KDM4C: variants seen among roughly 807,000 people sequenced by gnomAD.
The protein encoded by KDM4C is lysine demethylase 4C.
Under a neutral mutation model 129.3 loss-of-function variants are expected in KDM4C, and 81 were observed. The ratio of observed to expected loss-of-function variants is 0.63; its 90% CI spans 0.52 to 0.75. KDM4C has a LOEUF of 0.75. Ranked by LOEUF, KDM4C falls within the 30% of genes least tolerant of loss-of-function variation. KDM4C has a pLI of 0.00. For synonymous variants in KDM4C, 573 were observed against 456.1 expected (o/e 1.26, Z -3.26); for missense variants, 1,457 against 1,304.0 (o/e 1.12, Z -1.81).
intron 5 of KDM4C, among the ~76,000 whole-genome samples, chr9:6,856,532 C>CTGTGTGTG (rs1251541770): frequency 1.6e-5 from 2 of 127,600 alleles, no homozygotes; most frequent in Admixed American, 7.9e-5. Flanking sequence ...ATATCTCTCT[C>CTGTGTGTG]TGTGTGCGTG....
At chr9:6,764,925 T>C (rs1820315129) in intron 1 of KDM4C, among the ~76,000 whole-genome samples, 2 of 152,350 alleles carry the variant, frequency 1.3e-5, no homozygotes. Context: ...ATTTCATTGC[T>C]CACTCATTTC....
intron 1 of KDM4C, among the ~76,000 whole-genome samples, chr9:6,777,080 A>C (rs749331927): frequency 2.6e-5 from 4 of 152,168 alleles, no homozygotes; most frequent in African/African-American, 9.7e-5. Context: ...CCTACCCCCA[A>C]GTAAGGAAAC....
chr9:7,126,604 A>T (rs575519440), intron 18 of KDM4C, among the ~76,000 whole-genome samples: 50 of 152,222 alleles, frequency 3.3e-4, no homozygotes, highest in Non-Finnish European at 6.3e-4. Context: ...GCAAATTGAT[A>T]TACGCATGTG....
At chr9:6,759,016 G>A (rs998015153) in intron 1 of KDM4C, among the ~76,000 whole-genome samples, 1 of 147,690 alleles carries the variant, frequency 6.8e-6, no homozygotes, top group Admixed American at 6.8e-5. Context: ...CGCGGTGCAA[G>A]CCTGCGCTGG....
intron 5 of KDM4C, among the ~76,000 whole-genome samples, chr9:6,873,481 C>T (rs1196384212): frequency 6.6e-6 from 1 of 152,194 alleles, no homozygotes; most frequent in African/African-American, 2.4e-5. Context: ...ATTAATACAT[C>T]AGCAGCACTT....
At chr9:6,820,004 A>G (rs1208374009) in intron 4 of KDM4C, among the ~76,000 whole-genome samples, 5 of 152,192 alleles carry the variant, frequency 3.3e-5, no homozygotes, top group Admixed American at 6.5e-5. Flanking sequence ...GAATGGTAAG[A>G]AAATCGTAGC....
At chr9:6,966,469 C>G (rs1043252920) in intron 8 of KDM4C, among the ~76,000 whole-genome samples, 6 of 152,218 alleles carry the variant, frequency 3.9e-5, no homozygotes, top group Non-Finnish European at 8.8e-5. Flanking sequence ...CGCGCCGGGC[C>G]TCACTCTTAA....
chr9:7,038,156 C>G (rs1827970879), intron 15 of KDM4C, among the ~76,000 whole-genome samples: 1 of 151,956 alleles, frequency 6.6e-6, no homozygotes, highest in African/African-American at 2.4e-5. Flanking sequence ...TATAAATACC[C>G]ACAGTCACAT....
chr9:7,110,828 A>C (rs1382778419), intron 18 of KDM4C, among the ~76,000 whole-genome samples: 1 of 152,238 alleles, frequency 6.6e-6, no homozygotes, highest in African/African-American at 2.4e-5. Flanking sequence ...CCACTTTTCT[A>C]AGACTTGCAG....
intron 17 of KDM4C, among the ~76,000 whole-genome samples, chr9:7,050,442 C>CAAAAAAAAAAAAAAAAAAAAAAAAAA (rs71500910): frequency 1.3e-5 from 1 of 78,252 alleles, no homozygotes. Context: ...CCCAGATTAC[C>CAAAAAAAAAAAAAAAAAAAAAAAAAA]AAAAAAAAAA....
chr9:6,960,683 T>G (rs1262298214), intron 8 of KDM4C, among the ~76,000 whole-genome samples: 1 of 152,166 alleles, frequency 6.6e-6, no homozygotes, highest in Non-Finnish European at 1.5e-5. Context: ...TTCATGTACA[T>G]GTGTATCCAT....
rs1844167020 is a variant in KDM4C, at chr9:6,879,842, T to C, written c.630-170T>C. Among the ~76,000 whole-genome samples, 4 of 152,228 alleles carry C rather than the reference T, an allele frequency of 2.6e-5. No individual in the cohort carries two copies. In the South Asian group the frequency reaches 8.3e-4, roughly 32 times the overall value. ...TATAGGCATATTTTTTTTCTGTTCA[T>C]TGTCTAAGGAATATGACTCTGTGAT... On this transcript the variant is annotated intron_variant, in intron 5 of 21. Transcript: ENST00000381309.
chr9:6,956,634 G>T (rs534070020), intron 8 of KDM4C, among the ~76,000 whole-genome samples: 1 of 152,160 alleles, frequency 6.6e-6, no homozygotes, highest in African/African-American at 2.4e-5. Context: ...TACAATGGCT[G>T]ACTTGAGTGG....
chr9:6,975,666 A>G (rs982111530), intron 8 of KDM4C, among the ~76,000 whole-genome samples: 4 of 152,182 alleles, frequency 2.6e-5, no homozygotes, highest in Admixed American at 6.5e-5. Flanking sequence ...TGTGTAGCTC[A>G]TGGTTAAGTA....
chr9:7,016,017 C>T lies in KDM4C; in HGVS notation c.2259+88C>T, dbSNP rs999893070. On this transcript the variant is annotated intron_variant, in intron 15 of 21. Coordinates refer to ENST00000381309, the MANE Select transcript of KDM4C (RefSeq NM_015061.6). ...TAAGTCTAGGGAAAAGATAAGATTG[C>T]TCAGGTGCTTATATGTGCAGTTCTG... 4.4e-6 allele frequency: 4 copies of T among 899,224 alleles called. No homozygotes were observed. In the African/African-American group the frequency reaches 4.9e-5, roughly 11 times the overall value. 55.7% of individuals were successfully genotyped at this position (899,224 alleles called of 1,614,324 possible).
chr9:7,057,839 A>G (rs1042108859), intron 17 of KDM4C, among the ~76,000 whole-genome samples: 2 of 152,198 alleles, frequency 1.3e-5, no homozygotes, highest in African/African-American at 4.8e-5. Context: ...TGAAAACCGT[A>G]AGATGAATAG....
At chr9:6,904,272 A>G (rs967456285) in intron 8 of KDM4C, among the ~76,000 whole-genome samples, 36 of 152,272 alleles carry the variant, frequency 2.4e-4, no homozygotes, top group African/African-American at 8.4e-4. Flanking sequence ...ATCTATGTCT[A>G]TCTATATATT....
chr9:7,159,851 G>A lies in KDM4C; in HGVS notation c.2782-5387G>A, dbSNP rs1010334161. 5.3e-5 allele frequency among the ~76,000 whole-genome samples: 8 copies of A among 152,222 alleles called. No homozygotes were observed. The East Asian group carries it at 7.7e-4, about 15-fold the overall frequency. ...AAGGAGTATCTTTGTGGTGTTCTCTGTATTTCCTGAATTTGAATGTTGGAC... is the reference window on the plus strand; with the variant it reads ...AAGGAGTATCTTTGTGGTGTTCTCTATATTTCCTGAATTTGAATGTTGGAC... On this transcript the variant is annotated intron_variant, in intron 19 of 21. Transcript: ENST00000381309.
intron 19 of KDM4C, among the ~76,000 whole-genome samples, chr9:7,145,000 A>G (rs1015993648): frequency 1.3e-5 from 2 of 152,114 alleles, no homozygotes; most frequent in African/African-American, 2.4e-5. Flanking sequence ...CATCCTTTCT[A>G]TGCATTTTGC....
Sources: gnomAD v4.1 joint callset for allele counts (sites outside exome capture counted in the v4.1 genomes callset) on GRCh38, gnomAD v4.1.1 for gene constraint, MANE v1.5 for transcripts, NCBI Gene and HGNC (gene_info 2026-07-23, HGNC 2026-07-21) for gene names.